BMAL2: variants seen among roughly 807,000 people sequenced by gnomAD.
BMAL2 encodes basic helix-loop-helix ARNT-like protein 2.
the BMAL2 span, among the ~76,000 whole-genome samples, chr12:27,350,313 C>G: frequency 0.51 from 76,866 of 152,116 alleles, 19,570 homozygotes; most frequent in East Asian, 0.59. Flanking sequence ...TTATCCCTCG[C>G]CCACAAAGGG....
chr12:27,395,051 C>T, the BMAL2 span, among the ~76,000 whole-genome samples: 1 of 152,234 alleles, frequency 6.6e-6, no homozygotes, highest in Non-Finnish European at 1.5e-5. Context: ...TTTGCTATGG[C>T]AGCCCAACCT....
At chr12:27,415,992 A>T in the BMAL2 span, 1 of 1,326,982 alleles carries the variant, frequency 7.5e-7, no homozygotes, top group Admixed American at 2.1e-5. Context: ...TAAATGAACA[A>T]TAAAATTTGC....
the BMAL2 span, among the ~76,000 whole-genome samples, chr12:27,407,356 CAGCAAATGTAAA>C: frequency 1.3e-5 from 2 of 152,318 alleles, no homozygotes; most frequent in African/African-American, 4.8e-5. Flanking sequence ...AAGCACTCCT[CAGCAAATGTAAA>C]AGAACAGAAA....
chr12:27,403,597 T>C, the BMAL2 span: 2 of 1,123,154 alleles, frequency 1.8e-6, no homozygotes, highest in South Asian at 3.0e-5. Flanking sequence ...ATTTATAAAA[T>C]CAATATACAA....
the BMAL2 span, among the ~76,000 whole-genome samples, chr12:27,376,892 CG>C: frequency 6.8e-6 from 1 of 147,956 alleles, no homozygotes; most frequent in Non-Finnish European, 1.5e-5. Context: ...CCCAGCTACT[CG>C]GGGGGACTGA....
the BMAL2 span, among the ~76,000 whole-genome samples, chr12:27,411,453 A>G: frequency 6.6e-6 from 1 of 151,854 alleles, no homozygotes; most frequent in Non-Finnish European, 1.5e-5. Context: ...CCCATCTCAA[A>G]AAAAAAAAAG....
At chr12:27,422,171 T>C in the BMAL2 span, 1 of 152,226 alleles carries the variant, frequency 6.6e-6, no homozygotes. Context: ...TCTGCTTCAG[T>C]AGCTCTTCAT....
At chr12:27,417,393 C>G in the BMAL2 span, among the ~76,000 whole-genome samples, 2 of 152,300 alleles carry the variant, frequency 1.3e-5, no homozygotes, top group African/African-American at 4.8e-5. Flanking sequence ...CATTTGTGGA[C>G]GTGAACTTTT....
the BMAL2 span, among the ~76,000 whole-genome samples, chr12:27,371,468 G>C: frequency 6.6e-6 from 1 of 152,182 alleles, no homozygotes. Flanking sequence ...GCATACTCCT[G>C]ATCAGGAAAT....
the BMAL2 span, among the ~76,000 whole-genome samples, chr12:27,367,433 C>T: frequency 6.6e-6 from 1 of 152,034 alleles, no homozygotes; most frequent in African/African-American, 2.4e-5. Flanking sequence ...CCACAGAAGG[C>T]AAAACTGCAG....
the BMAL2 span, chr12:27,417,940 C>T: frequency 3.1e-5 from 14 of 446,946 alleles, no homozygotes; most frequent in East Asian, 5.0e-4. Context: ...TTGCAATGAA[C>T]CGAGATCATG....
At chr12:27,338,275 G>A in the BMAL2 span, among the ~76,000 whole-genome samples, 8 of 152,174 alleles carry the variant, frequency 5.3e-5, no homozygotes, top group Non-Finnish European at 1.0e-4. Flanking sequence ...ATTAGGCTGG[G>A]TGAGAAATGC....
chr12:27,417,961 C>G, the BMAL2 span: 1 of 509,546 alleles, frequency 2.0e-6, no homozygotes, highest in Non-Finnish European at 3.3e-6. Context: ...CCGCTGCACT[C>G]CAGCCTGGGC....
chr12:27,383,929 C>G, the BMAL2 span, among the ~76,000 whole-genome samples: 2 of 152,298 alleles, frequency 1.3e-5, no homozygotes, highest in East Asian at 3.9e-4. Flanking sequence ...TGCCCACTTA[C>G]TTTGCCACCA....
At chr12:27,340,901 C>T in the BMAL2 span, among the ~76,000 whole-genome samples, 3 of 152,086 alleles carry the variant, frequency 2.0e-5, no homozygotes, top group Admixed American at 6.6e-5. Context: ...TGATTTGGCT[C>T]TCAGCTTGAC....
At chr12:27,411,507 A>G in the BMAL2 span, among the ~76,000 whole-genome samples, 112 of 152,026 alleles carry the variant, frequency 7.4e-4, no homozygotes, top group East Asian at 0.021. Context: ...AGTCCCAGCT[A>G]CTTGGGAGGC....
chr12:27,361,174 A>G, the BMAL2 span, among the ~76,000 whole-genome samples: 1 of 152,178 alleles, frequency 6.6e-6, no homozygotes, highest in African/African-American at 2.4e-5. Flanking sequence ...CCAAATTTGA[A>G]CCCATTTGTA....
the BMAL2 span, among the ~76,000 whole-genome samples, chr12:27,359,388 C>A: frequency 2.6e-4 from 40 of 152,134 alleles, no homozygotes; most frequent in Non-Finnish European, 7.4e-5. Flanking sequence ...TTTGAATAAA[C>A]CCTCGGTACT....
the BMAL2 span, among the ~76,000 whole-genome samples, chr12:27,386,164 G>T: frequency 6.7e-6 from 1 of 149,740 alleles, no homozygotes; most frequent in South Asian, 2.1e-4. Context: ...ATTAAAAAAA[G>T]CCACTCTTTT....
Sources: allele counts gnomAD v4.1 joint callset (sites outside exome capture counted in the v4.1 genomes callset), GRCh38; gene constraint gnomAD v4.1.1; transcripts MANE v1.5; gene names NCBI Gene and HGNC (gene_info 2026-07-23, HGNC 2026-07-21).